The following DGKB variants were observed in gnomAD, a reference collection of about 807,000 sequenced individuals.
DGKB encodes diacylglycerol kinase beta.
In DGKB, 67 loss-of-function variants were observed where a neutral mutation model predicts 114.3. The ratio of observed to expected loss-of-function variants is 0.59; its 90% confidence interval spans 0.48 to 0.72. The LOEUF is 0.72. Among genes scored for constraint, DGKB ranks in the 30% least tolerant of loss-of-function variants. DGKB has a pLI of 0.00. For missense variants in DGKB, 907 were observed against 975.2 expected (o/e 0.93, Z 0.93); for synonymous variants, 398 against 323.1 (o/e 1.23, Z -2.49).
At chr7:14,736,500 T>C (rs1831740978) in intron 4 of DGKB, among the ~76,000 whole-genome samples, 1 of 152,132 alleles carries the variant, frequency 6.6e-6, no homozygotes, top group African/African-American at 2.4e-5. Flanking sequence ...TTTGCTCCTC[T>C]CTAAACTGGG....
At chr7:14,328,700 A>T (rs1044353280) in intron 23 of DGKB, among the ~76,000 whole-genome samples, 1 of 152,080 alleles carries the variant, frequency 6.6e-6, no homozygotes, top group Admixed American at 6.6e-5. Flanking sequence ...GATAATTAAA[A>T]TAACAGTGCA....
intron 16 of DGKB, among the ~76,000 whole-genome samples, chr7:14,609,150 T>C (rs1409065695): frequency 6.6e-6 from 1 of 151,356 alleles, no homozygotes; most frequent in African/African-American, 2.4e-5. Context: ...AATCACACCA[T>C]AAGGCTACAG....
intron 12 of DGKB, among the ~76,000 whole-genome samples, chr7:14,679,820 C>G (rs1411097752): frequency 6.6e-6 from 1 of 151,956 alleles, no homozygotes; most frequent in Non-Finnish European, 1.5e-5. Flanking sequence ...CAATAGAAAA[C>G]TATAAATACT....
At position 14,189,149 on chromosome 7, in the gene DGKB, A is replaced by G. The variant is rs575686091; in HGVS notation, c.2123-10998T>C. On this transcript the variant is annotated intron_variant, in intron 23 of 25. Transcript: ENST00000402815. ...TCAAATTCCTAATATTTCCAGTGAT[A>G]TGATACGTCTTTCAATCCTCTAGTA... Among the ~76,000 whole-genome samples, 6 of 152,334 alleles carry G rather than the reference A, an allele frequency of 3.9e-5. No individual in the cohort carries two copies. In the South Asian group the frequency reaches 1.0e-3, roughly 26 times the overall value.
Position 14,329,665 on chromosome 7 carries a change from C to T in DGKB, c.2122+8850G>A, listed in dbSNP as rs564353135. 3.3e-5 allele frequency among the ~76,000 whole-genome samples: 5 copies of T among 151,966 alleles called. No individual in the cohort carries two copies. In the East Asian group the frequency reaches 9.7e-4, roughly 29 times the overall value. ...TGATAGAAAGAAATTATTGTAATTT[C>T]CTGGGGAGCTATCTACCACCTTAGC... On this transcript the variant is annotated intron_variant, in intron 23 of 25. Coordinates refer to ENST00000402815, the MANE Select transcript of DGKB (RefSeq NM_001350709.2).
At position 14,914,998 on chromosome 7, in the gene DGKB, T is replaced by TA. The variant is rs1179504220; in HGVS notation, c.-188+59697dup. On this transcript the variant is annotated intron_variant, in intron 1 of 4. Transcript: ENST00000437998. ...TAAAATATAAAGAGCAAAAATAATT[T>TA]AAAAAGTATAACAGACTAACCAAGA... 3.9e-5 allele frequency among the ~76,000 whole-genome samples: 6 copies of TA among 152,144 alleles called. No homozygotes were observed. The East Asian group carries it at 9.7e-4, about 25-fold the overall frequency.
At position 14,148,809 on chromosome 7, in the gene DGKB, CG is replaced by C; in HGVS notation, c.*321del. On this transcript the variant is annotated 3_prime_UTR_variant, in exon 26 of 26. Transcript: ENST00000402815. The stretch of plus-strand genomic sequence containing the variant: ...ATGGTATTTCCTTTTTCATGTTTCA[CG>C]GGTTTTTCTCACAGGTTAGTAAAAG... 1 of 348,636 alleles carries C rather than the reference CG, an allele frequency of 2.9e-6. No individual in the cohort carries two copies. Among genetic ancestry groups the C allele is most frequent in the Non-Finnish European group, 5.3e-6 (1 of 189,364 alleles). The allele number at this position is 348,636 out of a possible 1,614,324, so 21.6% of individuals were successfully genotyped here.
chr7:14,471,698 GACTC>G (rs1271675579), intron 21 of DGKB, among the ~76,000 whole-genome samples: 2 of 151,754 alleles, frequency 1.3e-5, no homozygotes, highest in East Asian at 3.9e-4. Context: ...GTAGAATGAA[GACTC>G]ACTCTACATA....
chr7:14,655,915 T>A (rs1034230698), intron 13 of DGKB, among the ~76,000 whole-genome samples: 1 of 151,684 alleles, frequency 6.6e-6, no homozygotes, highest in Non-Finnish European at 1.5e-5. Context: ...GTTGGTTAAC[T>A]GATACAAAAT....
intron 21 of DGKB, among the ~76,000 whole-genome samples, chr7:14,440,581 C>A (rs1048522512): frequency 1.3e-5 from 2 of 152,176 alleles, no homozygotes; most frequent in African/African-American, 2.4e-5. Context: ...CAAATTCCTT[C>A]ATTGTCACTG....
At chr7:14,582,488 A>T (rs1800083789) in intron 18 of DGKB, among the ~76,000 whole-genome samples, 1 of 152,092 alleles carries the variant, frequency 6.6e-6, no homozygotes, top group South Asian at 2.1e-4. Context: ...CAGCTATAAG[A>T]CTTTGTTGTA....
At chr7:14,908,322 T>A (rs1316885825), upstream of DGKB, among the ~76,000 whole-genome samples, 3 of 152,168 alleles carry the variant, frequency 2.0e-5, no homozygotes. Context: ...TGGAGGCCAT[T>A]TAGGTGTCTC....
intron 23 of DGKB, among the ~76,000 whole-genome samples, chr7:14,332,335 G>C (rs2128559455): frequency 6.6e-6 from 1 of 152,242 alleles, no homozygotes; most frequent in African/African-American, 2.4e-5. Flanking sequence ...GTTGGGGTTT[G>C]AGCCAGCTGG....
intron 21 of DGKB, among the ~76,000 whole-genome samples, chr7:14,468,637 A>C (rs1780834638): frequency 6.6e-6 from 1 of 151,478 alleles, no homozygotes. Context: ...TTTGTGTTTT[A>C]ATTTAACAAA....
chr7:14,244,019 G>C (rs1427265235), intron 23 of DGKB, among the ~76,000 whole-genome samples: 1 of 150,188 alleles, frequency 6.7e-6, no homozygotes, highest in Non-Finnish European at 1.5e-5. Context: ...TGTTATGAGA[G>C]ATTCTGAGAG....
Position 14,902,032 on chromosome 7 carries a change from G to A in DGKB, c.-188+560C>T, listed in dbSNP as rs116840261. Among the ~76,000 whole-genome samples the A allele has an allele frequency of 2.8e-3, 432 of 152,202 alleles. 1 individual carries two copies. Among genetic ancestry groups the A allele is most frequent in the African/African-American group, 0.01 (425 of 41,558 alleles). On this transcript the variant is annotated intron_variant, in intron 1 of 25. Transcript: ENST00000402815. Reference sequence around the variant, plus strand: ...CCCTCCATGTGGCACCCACTGAAGAGTATTTGAATGTTTATCATATCATCA... The same window carrying A: ...CCCTCCATGTGGCACCCACTGAAGAATATTTGAATGTTTATCATATCATCA...
chr7:14,593,066 T>C (rs1801966364), intron 17 of DGKB, among the ~76,000 whole-genome samples: 1 of 152,068 alleles, frequency 6.6e-6, no homozygotes, highest in Non-Finnish European at 1.5e-5. Flanking sequence ...TAAATAATTA[T>C]GTTACCATAA....
chr7:14,460,192 A>G (rs1442346347), intron 21 of DGKB, among the ~76,000 whole-genome samples: 1 of 152,190 alleles, frequency 6.6e-6, no homozygotes. Context: ...TGCATCAACT[A>G]ACAGGCAAAA....
intron 23 of DGKB, among the ~76,000 whole-genome samples, chr7:14,312,502 C>T (rs1170326269): frequency 6.6e-6 from 1 of 152,112 alleles, no homozygotes; most frequent in Non-Finnish European, 1.5e-5. Flanking sequence ...TTAAAATGTC[C>T]TTGATGAAGC....
Sources: allele counts gnomAD v4.1 joint callset (sites outside exome capture counted in the v4.1 genomes callset), GRCh38; gene constraint gnomAD v4.1.1; transcripts MANE v1.5; gene names NCBI Gene and HGNC (gene_info 2026-07-23, HGNC 2026-07-21).